The following MIS18A variants were observed in gnomAD, a reference collection of about 807,000 sequenced individuals.
MIS18A encodes MIS18 kinetochore protein A.
MIS18A carries 14 observed loss-of-function variants against 25.0 expected under a neutral mutation model. The observed-to-expected ratio is 0.56, with a 90% confidence interval of 0.37 to 0.88. The LOEUF (loss-of-function observed/expected upper bound fraction) is 0.88, where lower values mean the gene tolerates loss of function less well. MIS18A is among the 40% of genes least tolerant of loss of function. The probability of loss-of-function intolerance (pLI) is 0.00; values close to 1 mark genes in which losing one functional copy is unlikely to be tolerated. For synonymous variants in MIS18A, 134 were observed against 118.6 expected, an observed-to-expected ratio of 1.13 and a Z score of -0.84; for missense variants, 292 against 290.8, an observed-to-expected ratio of 1.00 and a Z score of -0.03.
Position 32,269,122 on chromosome 21 carries a change from T to C in MIS18A, c.622-5A>G. On this transcript the variant is annotated splice_region_variant and splice_polypyrimidine_tract_variant and intron_variant, in intron 4 of 4. Coordinates refer to ENST00000290130, the MANE Select transcript of MIS18A (RefSeq NM_018944.3). ...TGCTTTCAAGACATCTTCCATCTAT[T>C]GAATTTAAAAAATAAAAAAATAAAG... is the stretch of plus-strand genomic sequence containing the variant. 6.3e-7 allele frequency: 1 copy of C among 1,579,350 alleles called. No individual in the cohort carries two copies. Among genetic ancestry groups the C allele is most frequent in the South Asian group, 1.2e-5 (1 of 85,220 alleles).
the MIS18A span, among the ~76,000 whole-genome samples, chr21:32,209,094 T>A: frequency 2.6e-5 from 4 of 152,210 alleles, no homozygotes; most frequent in Non-Finnish European, 5.9e-5. Context: ...ATTCATTTGT[T>A]ATGGTGTGGC....
At chr21:32,245,122 T>C in the MIS18A span, among the ~76,000 whole-genome samples, 1 of 152,218 alleles carries the variant, frequency 6.6e-6, no homozygotes, top group Non-Finnish European at 1.5e-5. Context: ...ATTGACTTAC[T>C]TGTGAAGGCT....
chr21:32,202,750 T>C, the MIS18A span, among the ~76,000 whole-genome samples: 2 of 152,214 alleles, frequency 1.3e-5, no homozygotes, highest in Admixed American at 6.5e-5. Context: ...ATGACACACT[T>C]ATATCACTTA....
At chr21:32,201,881 C>G in the MIS18A span, among the ~76,000 whole-genome samples, 1 of 151,972 alleles carries the variant, frequency 6.6e-6, no homozygotes, top group Non-Finnish European at 1.5e-5. Flanking sequence ...AGGAAATGTC[C>G]TTTCAACTTT....
At chr21:32,250,371 C>T in the MIS18A span, among the ~76,000 whole-genome samples, 1 of 152,124 alleles carries the variant, frequency 6.6e-6, no homozygotes, top group Non-Finnish European at 1.5e-5. Flanking sequence ...TCCATTTTCC[C>T]TTTTGAGCAG....
the MIS18A span, among the ~76,000 whole-genome samples, chr21:32,189,617 G>A: frequency 2.6e-5 from 4 of 152,134 alleles, no homozygotes; most frequent in East Asian, 3.9e-4. Flanking sequence ...TCCTGATTCC[G>A]CACCTTGCTG....
At chr21:32,244,835 T>C in the MIS18A span, among the ~76,000 whole-genome samples, 3 of 152,170 alleles carry the variant, frequency 2.0e-5, no homozygotes, top group Non-Finnish European at 4.4e-5. Context: ...ATATAGAAGA[T>C]ATCAAAATAT....
At chr21:32,204,370 G>A in the MIS18A span, among the ~76,000 whole-genome samples, 5 of 151,952 alleles carry the variant, frequency 3.3e-5, no homozygotes, top group South Asian at 2.1e-4. Flanking sequence ...CGTGGCAGGC[G>A]CCTGTAATCC....
the MIS18A span, among the ~76,000 whole-genome samples, chr21:32,189,920 C>A: frequency 1.3e-5 from 2 of 152,210 alleles, no homozygotes; most frequent in South Asian, 4.1e-4. Context: ...GCTCCCAGCG[C>A]AGGACCCAGC....
chr21:32,166,032 G>C, the MIS18A span, among the ~76,000 whole-genome samples: 1 of 152,164 alleles, frequency 6.6e-6, no homozygotes, highest in Non-Finnish European at 1.5e-5. Context: ...CTACAAACCA[G>C]GTAGAGATGC....
chr21:32,247,886 T>C, the MIS18A span, among the ~76,000 whole-genome samples: 1 of 152,194 alleles, frequency 6.6e-6, no homozygotes, highest in African/African-American at 2.4e-5. Context: ...AAGATTCATA[T>C]AGGCACCCAG....
At chr21:32,165,264 C>T in the MIS18A span, among the ~76,000 whole-genome samples, 85 of 152,062 alleles carry the variant, frequency 5.6e-4, 1 homozygote, top group East Asian at 0.015. Flanking sequence ...ACCCAGGAGG[C>T]GGTGAGCAGA....
At chr21:32,234,593 G>A in the MIS18A span, among the ~76,000 whole-genome samples, 23 of 152,120 alleles carry the variant, frequency 1.5e-4, no homozygotes, top group African/African-American at 5.3e-4. Context: ...GTTGAAGGTG[G>A]GACCCCCTCA....
the MIS18A span, among the ~76,000 whole-genome samples, chr21:32,243,945 C>T: frequency 4.1e-4 from 62 of 152,044 alleles, no homozygotes; most frequent in Non-Finnish European, 7.4e-4. Flanking sequence ...CACAGCGAGA[C>T]CCCGACTCAA....
At position 32,270,493 on chromosome 21, in the gene MIS18A, G is replaced by C. The variant is rs769500185; in HGVS notation, c.438C>G (p.Leu146=). ...TGCATCTGTACACGTAGCCAAGATT[G>C]AGTGAGCACCCCGCGCAGCACAAAG... The part of the protein sequence containing the change: ...LETLCCAGCS[L]NLGYVYRCTP... Residue 146 remains leucine (L), a synonymous_variant, in exon 3 of 5, where the codon CTC becomes CTG. Coordinates refer to ENST00000290130, the MANE Select transcript of MIS18A (RefSeq NM_018944.3). 1 of 1,607,300 alleles carries C rather than the reference G, an allele frequency of 6.2e-7. No homozygotes were observed. Among genetic ancestry groups the C allele is most frequent in the East Asian group, 2.2e-5 (1 of 44,550 alleles).
chr21:32,157,222 A>G, the MIS18A span, among the ~76,000 whole-genome samples: 2 of 57,836 alleles, frequency 3.5e-5, no homozygotes, highest in Admixed American at 2.1e-4. Flanking sequence ...GTACCCGGCT[A>G]ATTTTTTTTT....
chr21:32,198,816 C>T, the MIS18A span, among the ~76,000 whole-genome samples: 2 of 152,004 alleles, frequency 1.3e-5, no homozygotes, highest in African/African-American at 2.4e-5. Flanking sequence ...TGGCTTTAGT[C>T]CATATGTTAT....
chr21:32,199,555 C>T, the MIS18A span, among the ~76,000 whole-genome samples: 1 of 152,172 alleles, frequency 6.6e-6, no homozygotes, highest in Admixed American at 6.5e-5. Flanking sequence ...TGCCTGTAAT[C>T]CCAGCACTTT....
At chr21:32,231,677 G>A in the MIS18A span, among the ~76,000 whole-genome samples, 1 of 152,170 alleles carries the variant, frequency 6.6e-6, no homozygotes, top group East Asian at 1.9e-4. Flanking sequence ...ACTTTGGGAG[G>A]CCGAGGCAGG....
Sources: allele counts gnomAD v4.1 joint callset (sites outside exome capture counted in the v4.1 genomes callset), GRCh38; gene constraint gnomAD v4.1.1; transcripts MANE v1.5; gene names NCBI Gene and HGNC (gene_info 2026-07-23, HGNC 2026-07-21).